SHISA9: variants seen among roughly 807,000 people sequenced by gnomAD.
SHISA9 encodes the protein protein shisa-9.
Under a neutral mutation model 38.0 loss-of-function variants are expected in SHISA9, and 13 were observed. The ratio of observed to expected loss-of-function variants is 0.34; its 90% confidence interval spans 0.22 to 0.54. SHISA9 has a LOEUF of 0.54. Ranked by LOEUF, SHISA9 falls within the 20% of genes least tolerant of loss-of-function variation. SHISA9 has a pLI of 0.91. For synonymous variants in SHISA9, 275 were observed against 242.0 expected (o/e 1.14, Z -1.27); for missense variants, 538 against 575.8 (o/e 0.93, Z 0.67).
At chr16:13,097,028 C>G (rs1385220962) in intron 2 of SHISA9, among the ~76,000 whole-genome samples, 1 of 152,152 alleles carries the variant, frequency 6.6e-6, no homozygotes, top group Non-Finnish European at 1.5e-5. Context: ...TTCTCTCTCC[C>G]CAACTAGAAG....
intron 2 of SHISA9, among the ~76,000 whole-genome samples, chr16:13,091,843 G>T (rs765330745): frequency 1.8e-4 from 28 of 152,180 alleles, no homozygotes; most frequent in Non-Finnish European, 1.6e-4. Flanking sequence ...TTGTTCCGTT[G>T]CTCGCTAGGA....
At chr16:13,454,694 C>T in the SHISA9 span, among the ~76,000 whole-genome samples, 2 of 152,140 alleles carry the variant, frequency 1.3e-5, no homozygotes, top group African/African-American at 4.8e-5. Flanking sequence ...TCCCCCGAAG[C>T]CCATTATGTG....
At chr16:13,275,596 C>T in the SHISA9 span, among the ~76,000 whole-genome samples, 3 of 151,974 alleles carry the variant, frequency 2.0e-5, no homozygotes, top group African/African-American at 7.2e-5. Context: ...ATTATGCTGG[C>T]CTCATAAAAC....
the SHISA9 span, among the ~76,000 whole-genome samples, chr16:13,460,067 G>T: frequency 1.3e-5 from 2 of 152,018 alleles, no homozygotes; most frequent in Non-Finnish European, 2.9e-5. Context: ...GCCACCACAC[G>T]CAGCCTATAT....
the SHISA9 span, among the ~76,000 whole-genome samples, chr16:13,392,531 A>G: frequency 6.6e-6 from 1 of 152,184 alleles, no homozygotes; most frequent in Admixed American, 6.5e-5. Context: ...CAGGGACTAC[A>G]GCATGGAATC....
chr16:13,126,892 G>A (rs964515639), intron 2 of SHISA9, among the ~76,000 whole-genome samples: 1 of 104,248 alleles, frequency 9.6e-6, no homozygotes, highest in Non-Finnish European at 2.0e-5. Flanking sequence ...AGGAGGAGGA[G>A]ACTGAAAGAA....
At chr16:13,547,258 T>C in the SHISA9 span, among the ~76,000 whole-genome samples, 2 of 152,164 alleles carry the variant, frequency 1.3e-5, no homozygotes. Context: ...TTAGGGAAGA[T>C]TGAAGATAAA....
chr16:13,019,726 C>T (rs1042390542), intron 2 of SHISA9, among the ~76,000 whole-genome samples: 6 of 151,308 alleles, frequency 4.0e-5, no homozygotes, highest in Non-Finnish European at 8.8e-5. Flanking sequence ...AAGCCTAGTA[C>T]CCATTAGTTG....
chr16:13,538,374 TA>T, the SHISA9 span, among the ~76,000 whole-genome samples: 1 of 152,136 alleles, frequency 6.6e-6, no homozygotes, highest in Non-Finnish European at 1.5e-5. Flanking sequence ...TTGGTAACAG[TA>T]CAAGAAAAAT....
intron 2 of SHISA9, among the ~76,000 whole-genome samples, chr16:13,189,129 G>A (rs765372169): frequency 3.3e-5 from 5 of 152,220 alleles, no homozygotes; most frequent in Admixed American, 2.0e-4. Flanking sequence ...TAGCTCTGGG[G>A]ACTGTGAGAT....
chr16:13,121,544 A>G (rs746025163), intron 2 of SHISA9, among the ~76,000 whole-genome samples: 16 of 152,204 alleles, frequency 1.1e-4, no homozygotes. Flanking sequence ...TAATAATCTT[A>G]TATTACTTTT....
rs371862902 is a variant in SHISA9 at position 13,037,101 on chromosome 16, C to CAGACAGACAG, written c.691+120287_691+120288insGACAGACAGA. 7.2e-4 allele frequency among the ~76,000 whole-genome samples: 42 copies of CAGACAGACAG among 58,074 alleles called. 1 individual carries two copies. Among genetic ancestry groups the CAGACAGACAG allele is most frequent in the African/African-American group, 2.0e-3 (28 of 14,260 alleles). 38.1% of individuals were successfully genotyped at this position (58,074 alleles called of 152,430 possible). A position where few individuals can be genotyped will look rare whatever the true frequency, so the allele number is the denominator to read the frequency against. On this transcript the variant is annotated intron_variant, in intron 2 of 4. Transcript: ENST00000558583. ...ACACACACCACACCACACACACACA[C>CAGACAGACAG]ACACACAGACACACACACACACACA...
chr16:13,089,862 C>T (rs1443302351), intron 2 of SHISA9, among the ~76,000 whole-genome samples: 1 of 152,044 alleles, frequency 6.6e-6, no homozygotes, highest in Non-Finnish European at 1.5e-5. Flanking sequence ...TTTGTTTGCT[C>T]TTGCTTCTCT....
intron 2 of SHISA9, among the ~76,000 whole-genome samples, chr16:13,060,472 G>A (rs1194633672): frequency 1.3e-5 from 2 of 152,002 alleles, no homozygotes; most frequent in Non-Finnish European, 2.9e-5. Context: ...GAGGGTGATG[G>A]TGAAGACTGA....
At chr16:12,937,895 A>T (rs1162123610) in intron 2 of SHISA9, among the ~76,000 whole-genome samples, 1 of 152,168 alleles carries the variant, frequency 6.6e-6, no homozygotes, top group African/African-American at 2.4e-5. Context: ...TTAGACCTAG[A>T]TATATCTTTT....
intron 2 of SHISA9, among the ~76,000 whole-genome samples, chr16:13,017,606 G>GC (rs11399163): frequency 0.43 from 65,288 of 151,952 alleles, 14,550 homozygotes; most frequent in Middle Eastern, 0.52. Flanking sequence ...TCAATCATAT[G>GC]CAGGCACTGT....
intron 2 of SHISA9, among the ~76,000 whole-genome samples, chr16:13,040,101 C>A (rs2073116940): frequency 6.6e-6 from 1 of 152,200 alleles, no homozygotes; most frequent in Non-Finnish European, 1.5e-5. Flanking sequence ...GCTCCTTTCT[C>A]CAGTCCATTC....
At chr16:13,078,151 G>A (rs1419442896) in intron 2 of SHISA9, among the ~76,000 whole-genome samples, 2 of 152,186 alleles carry the variant, frequency 1.3e-5, no homozygotes, top group Middle Eastern at 3.2e-3. Context: ...AATAGCAAAT[G>A]TGTACACAGT....
At chr16:13,421,486 C>T in the SHISA9 span, among the ~76,000 whole-genome samples, 8 of 152,210 alleles carry the variant, frequency 5.3e-5, no homozygotes, top group South Asian at 4.2e-4. Flanking sequence ...TTCACTACCA[C>T]GAGAACAGTA....
Sources: gnomAD v4.1 joint callset for allele counts (sites outside exome capture counted in the v4.1 genomes callset) on GRCh38, gnomAD v4.1.1 for gene constraint, MANE v1.5 for transcripts, NCBI Gene and HGNC (gene_info 2026-07-23, HGNC 2026-07-21) for gene names.